The following MCTP1 variants were observed in gnomAD, a reference collection of about 807,000 sequenced individuals.
MCTP1 encodes the protein multiple C2 and transmembrane domain containing 1, also known as multiple C2 and transmembrane domain-containing protein 1.
A neutral mutation model predicts 120.6 loss-of-function variants in MCTP1; 69 were observed. The observed-to-expected ratio is 0.57, with a 90% CI of 0.47 to 0.70. The LOEUF is 0.70. Among genes scored for constraint, MCTP1 ranks in the 30% least tolerant of loss-of-function variants. The pLI is 0.00. For missense variants in MCTP1, 1,203 were observed against 1,248.8 expected, an observed-to-expected ratio of 0.96 and a Z score of 0.55; for synonymous variants, 529 against 493.1, an observed-to-expected ratio of 1.07 and a Z score of -0.96.
intron 1 of MCTP1, among the ~76,000 whole-genome samples, chr5:95,159,241 A>G (rs1179422830): frequency 1.3e-5 from 2 of 152,230 alleles, no homozygotes; most frequent in East Asian, 3.8e-4. Flanking sequence ...GAAGACATCA[A>G]TGATTGACTT....
At chr5:94,752,108 AATATATAT>A (rs146434254) in intron 19 of MCTP1, among the ~76,000 whole-genome samples, 6,880 of 75,666 alleles carry the variant, frequency 0.091, 726 homozygotes, top group Non-Finnish European at 0.13. Flanking sequence ...TAAATAATAA[AATATATAT>A]ATATATATAT....
chr5:94,953,182 T>C (rs1010942416), intron 3 of MCTP1, 37 bp downstream of exon 3: 2 of 1,546,918 alleles, frequency 1.3e-6, no homozygotes, highest in Non-Finnish European at 1.7e-6. Flanking sequence ...GATTTCCACA[T>C]CAGTTTCTAT....
chr5:95,211,538 G>A (rs1389568554), intron 1 of MCTP1, among the ~76,000 whole-genome samples: 4 of 152,096 alleles, frequency 2.6e-5, no homozygotes, highest in African/African-American at 9.7e-5. Flanking sequence ...GCTCCTTTAA[G>A]CACTTCTCTG....
chr5:94,906,546 G>C (rs1395041810), intron 10 of MCTP1, among the ~76,000 whole-genome samples: 3 of 152,108 alleles, frequency 2.0e-5, no homozygotes. Context: ...TTAACTCTTT[G>C]ACACTCCAGA....
rs1270208407 is a variant in MCTP1 at position 94,769,760 on chromosome 5, GA to G, written c.2610+9349del. On this transcript the variant is annotated intron_variant, in intron 19 of 22. Coordinates refer to ENST00000515393, the MANE Select transcript of MCTP1 (RefSeq NM_024717.7). Reference sequence around the variant, plus strand: ...TTACTTGATTTTGGATTTGCCCCAAGAAAAAAAGACTTGTATTGAAACTTTT... The same window carrying G: ...TTACTTGATTTTGGATTTGCCCCAAGAAAAAAGACTTGTATTGAAACTTTT... Among the ~76,000 whole-genome samples, 5 of 151,724 alleles carry G rather than the reference GA, an allele frequency of 3.3e-5. No homozygotes were observed. The South Asian group carries it at 1.0e-3, about 32-fold the overall frequency.
chr5:95,086,149 C>T (rs951625621), intron 1 of MCTP1, among the ~76,000 whole-genome samples: 2 of 151,946 alleles, frequency 1.3e-5, no homozygotes, highest in Non-Finnish European at 2.9e-5. Context: ...TTTCATGAAG[C>T]ATTACCAACA....
At chr5:95,116,613 A>AGC (rs1757842832) in intron 1 of MCTP1, among the ~76,000 whole-genome samples, 4 of 152,104 alleles carry the variant, frequency 2.6e-5, no homozygotes, top group Non-Finnish European at 5.9e-5. Context: ...TAAAATCTAT[A>AGC]AATTACTTTG....
chr5:95,046,620 A>G (rs1159187929), intron 1 of MCTP1, among the ~76,000 whole-genome samples: 2 of 152,142 alleles, frequency 1.3e-5, no homozygotes, highest in Non-Finnish European at 2.9e-5. Flanking sequence ...TCAGTGTTTT[A>G]CAGAATAATT....
At chr5:94,936,217 G>C (rs1212529663) in intron 5 of MCTP1, among the ~76,000 whole-genome samples, 1 of 147,510 alleles carries the variant, frequency 6.8e-6, no homozygotes, top group Non-Finnish European at 1.5e-5. Context: ...GACAACCTCA[G>C]GGATTTGAAT....
At chr5:94,871,166 G>A (rs1456334403) in intron 14 of MCTP1, 149 bp downstream of exon 14, 27 of 675,494 alleles carry the variant, frequency 4.0e-5, no homozygotes, top group African/African-American at 5.5e-5. Context: ...CAACATGGCC[G>A]TGAATTGAGT....
intron 1 of MCTP1, among the ~76,000 whole-genome samples, chr5:95,083,587 T>C (rs943630241): frequency 6.6e-6 from 1 of 152,088 alleles, no homozygotes. Context: ...ATGTTAAGAG[T>C]AGAACTGTTG....
intron 19 of MCTP1, among the ~76,000 whole-genome samples, chr5:94,758,960 A>G (rs967307427): frequency 4.6e-5 from 7 of 152,222 alleles, no homozygotes. Flanking sequence ...GCCTTTTTTA[A>G]TGCTATGAAA....
intron 1 of MCTP1, among the ~76,000 whole-genome samples, chr5:95,231,055 C>A (rs1372444932): frequency 6.6e-6 from 1 of 152,050 alleles, no homozygotes; most frequent in Non-Finnish European, 1.5e-5. Flanking sequence ...TAGCAAGGGA[C>A]AATATTGTTT....
At chr5:95,025,325 GTC>G (rs1839054555) in intron 1 of MCTP1, among the ~76,000 whole-genome samples, 1 of 152,184 alleles carries the variant, frequency 6.6e-6, no homozygotes, top group Non-Finnish European at 1.5e-5. Flanking sequence ...GGAAAGTACA[GTC>G]TCTTTAATAA....
chr5:95,032,141 T>C (rs1840421003), intron 1 of MCTP1, among the ~76,000 whole-genome samples: 1 of 151,930 alleles, frequency 6.6e-6, no homozygotes, highest in South Asian at 2.1e-4. Flanking sequence ...ACAATAATAG[T>C]AGGGGGCTTC....
chr5:94,833,441 T>G (rs987184721), intron 17 of MCTP1, among the ~76,000 whole-genome samples: 4 of 152,184 alleles, frequency 2.6e-5, no homozygotes, highest in African/African-American at 9.7e-5. Flanking sequence ...AAATTATGCG[T>G]AATATGGCCC....
At chr5:95,055,243 T>G (rs886454617) in intron 1 of MCTP1, among the ~76,000 whole-genome samples, 11 of 152,238 alleles carry the variant, frequency 7.2e-5, no homozygotes, top group African/African-American at 2.7e-4. Context: ...CTGTATTTAC[T>G]GGATCCTCCC....
At chr5:95,153,984 G>C (rs147273686) in intron 1 of MCTP1, among the ~76,000 whole-genome samples, 1 of 152,184 alleles carries the variant, frequency 6.6e-6, no homozygotes, top group Non-Finnish European at 1.5e-5. Flanking sequence ...TTCTCTGAAA[G>C]TCATGCCCGA....
chr5:94,848,103 G>C (rs1792898135), intron 17 of MCTP1, among the ~76,000 whole-genome samples: 1 of 151,932 alleles, frequency 6.6e-6, no homozygotes, highest in Non-Finnish European at 1.5e-5. Flanking sequence ...TTTCAGAGTT[G>C]AAAAGAGCAA....
Sources: allele counts gnomAD v4.1 joint callset (sites outside exome capture counted in the v4.1 genomes callset), GRCh38; gene constraint gnomAD v4.1.1; transcripts MANE v1.5; gene names NCBI Gene and HGNC (gene_info 2026-07-23, HGNC 2026-07-21).